The following CLSTN2 variants were observed in gnomAD, a reference collection of about 807,000 sequenced individuals.
CLSTN2 encodes calsyntenin-2.
In CLSTN2, 48 loss-of-function variants were observed where a neutral mutation model predicts 101.2. The ratio of observed to expected loss-of-function variants is 0.47; its 90% CI spans 0.38 to 0.60. The LOEUF is 0.60. Among genes scored for constraint, CLSTN2 ranks in the 20% least tolerant of loss-of-function variants. The pLI is 0.00. For synonymous variants in CLSTN2, 481 were observed against 463.6 expected (o/e 1.04, Z -0.48); for missense variants, 1,160 against 1,238.2 (o/e 0.94, Z 0.95).
chr3:140,526,640 CAACAA>C (rs1935146133), intron 8 of CLSTN2, among the ~76,000 whole-genome samples: 1 of 131,412 alleles, frequency 7.6e-6, no homozygotes, highest in Admixed American at 7.8e-5. Context: ...ACAACAACAA[CAACAA>C]AAAAAAAACT....
At chr3:139,955,634 T>C (rs1159903019) in intron 1 of CLSTN2, among the ~76,000 whole-genome samples, 1 of 5,008 alleles carries the variant, frequency 2.0e-4, no homozygotes, top group Non-Finnish European at 2.7e-3. Context: ...CAGGGACTTC[T>C]GTGGATTCAG....
intron 1 of CLSTN2, among the ~76,000 whole-genome samples, chr3:139,984,227 G>A (rs564602919): frequency 1.2e-4 from 19 of 152,322 alleles, no homozygotes; most frequent in Admixed American, 8.5e-4. Context: ...TTAGCCAAAA[G>A]CCTAGGTTGT....
chr3:140,140,638 C>T (rs1301802246), intron 1 of CLSTN2, among the ~76,000 whole-genome samples: 1 of 152,186 alleles, frequency 6.6e-6, no homozygotes, highest in East Asian at 1.9e-4. Context: ...TACCTCTAAT[C>T]TCCAAAAACT....
chr3:140,404,486 C>T (rs915165888), intron 3 of CLSTN2, 72 bp from the exon 4 acceptor site: 8 of 1,411,460 alleles, frequency 5.7e-6, no homozygotes, highest in Non-Finnish European at 8.0e-6. Flanking sequence ...CAGTCAGTGC[C>T]CCCAGGAGGT....
intron 2 of CLSTN2, among the ~76,000 whole-genome samples, chr3:140,344,805 T>G (rs2087528065): frequency 6.6e-6 from 1 of 152,228 alleles, no homozygotes; most frequent in African/African-American, 2.4e-5. Context: ...ACCCACATCT[T>G]ATCACCATTA....
At chr3:140,410,427 A>C (rs1054788610) in intron 4 of CLSTN2, among the ~76,000 whole-genome samples, 1 of 150,718 alleles carries the variant, frequency 6.6e-6, no homozygotes, top group African/African-American at 2.4e-5. Context: ...AAAAAAAAAA[A>C]CCTACCAACC....
chr3:140,470,493 A>C (rs931535434), intron 8 of CLSTN2, among the ~76,000 whole-genome samples: 1 of 152,154 alleles, frequency 6.6e-6, no homozygotes, highest in African/African-American at 2.4e-5. Context: ...GGCTGGGGTC[A>C]GGGCGTGTGA....
chr3:140,527,519 C>T (rs565986306), intron 8 of CLSTN2, among the ~76,000 whole-genome samples: 11 of 152,278 alleles, frequency 7.2e-5, no homozygotes, highest in African/African-American at 2.6e-4. Context: ...TTGGAAATTT[C>T]TCAAGGAACT....
intron 1 of CLSTN2, among the ~76,000 whole-genome samples, chr3:139,983,361 T>C (rs1215990871): frequency 6.6e-6 from 1 of 152,108 alleles, no homozygotes; most frequent in Admixed American, 6.6e-5. Context: ...AGAAAAGAAG[T>C]TTGAAGTTGT....
At chr3:140,141,461 G>A (rs879597812) in intron 1 of CLSTN2, among the ~76,000 whole-genome samples, 17 of 152,314 alleles carry the variant, frequency 1.1e-4, no homozygotes, top group African/African-American at 4.1e-4. Context: ...AGGAAGGATG[G>A]CAATGGCTGT....
chr3:140,070,313 C>T (rs1471977304), intron 1 of CLSTN2, among the ~76,000 whole-genome samples: 2 of 152,174 alleles, frequency 1.3e-5, no homozygotes, highest in Non-Finnish European at 2.9e-5. Context: ...CATACAATTT[C>T]AGGAGGTATA....
intron 2 of CLSTN2, among the ~76,000 whole-genome samples, chr3:140,298,921 G>C (rs1248095969): frequency 6.6e-6 from 1 of 152,170 alleles, no homozygotes; most frequent in Non-Finnish European, 1.5e-5. Flanking sequence ...CTGAGATCCG[G>C]GAATAGGCTG....
At chr3:140,484,786 C>A (rs1391890240) in intron 8 of CLSTN2, among the ~76,000 whole-genome samples, 2 of 152,164 alleles carry the variant, frequency 1.3e-5, no homozygotes, top group Non-Finnish European at 2.9e-5. Context: ...TCACGTAGCT[C>A]TCGTGCTGTG....
intron 2 of CLSTN2, among the ~76,000 whole-genome samples, chr3:140,209,965 C>T (rs1467608253): frequency 6.6e-6 from 1 of 152,170 alleles, no homozygotes; most frequent in Non-Finnish European, 1.5e-5. Flanking sequence ...CTCCCTTGCT[C>T]ATATTTATTG....
intron 5 of CLSTN2, among the ~76,000 whole-genome samples, chr3:140,425,257 G>A (rs139521308): frequency 5.7e-4 from 87 of 152,298 alleles, no homozygotes; most frequent in African/African-American, 2.1e-3. Context: ...ACGGAACCCT[G>A]CCCCACAGCT....
At chr3:140,544,288 A>C (rs114740056) in intron 9 of CLSTN2, among the ~76,000 whole-genome samples, 121 of 152,340 alleles carry the variant, frequency 7.9e-4, no homozygotes, top group African/African-American at 2.7e-3. Flanking sequence ...ATAATGCATG[A>C]GTGATACCTG....
chr3:140,000,814 C>T (rs1196970360), intron 1 of CLSTN2, among the ~76,000 whole-genome samples: 3 of 152,174 alleles, frequency 2.0e-5, no homozygotes, highest in African/African-American at 7.2e-5. Flanking sequence ...TATGTCATCT[C>T]TACTGTTGTC....
chr3:140,058,534 G>C (rs1019500462), intron 1 of CLSTN2, among the ~76,000 whole-genome samples: 6 of 152,174 alleles, frequency 3.9e-5, no homozygotes, highest in Non-Finnish European at 8.8e-5. Context: ...GTCTAGGAAG[G>C]GGGTGATATC....
intron 1 of CLSTN2, among the ~76,000 whole-genome samples, chr3:139,942,305 C>G (rs1289482437): frequency 6.6e-6 from 1 of 152,172 alleles, no homozygotes; most frequent in African/African-American, 2.4e-5. Context: ...CTCCTCACCT[C>G]CTGTCATGCT....
Sources: gnomAD v4.1 joint callset for allele counts (sites outside exome capture counted in the v4.1 genomes callset) on GRCh38, gnomAD v4.1.1 for gene constraint, MANE v1.5 for transcripts, NCBI Gene and HGNC (gene_info 2026-07-23, HGNC 2026-07-21) for gene names.